PRPF18: variants seen among roughly 807,000 people sequenced by gnomAD.
PRPF18 encodes pre-mRNA-splicing factor 18.
PRPF18 carries 38 observed loss-of-function variants against 46.5 expected under a neutral mutation model. The observed-to-expected ratio is 0.82, with a 90% CI of 0.63 to 1.07. PRPF18 has a LOEUF of 1.07. PRPF18 is among the 50% of genes least tolerant of loss of function. PRPF18 has a pLI of 0.00. For missense variants in PRPF18, 263 were observed against 410.0 expected (o/e 0.64, Z 3.10); for synonymous variants, 152 against 146.7 (o/e 1.04, Z -0.26).
Position 13,623,034 on chromosome 10 carries a change from T to TA in PRPF18, c.948+6489dup, listed in dbSNP as rs889792257. On this transcript the variant is annotated intron_variant, in intron 9 of 9. Coordinates refer to ENST00000378572, the MANE Select transcript of PRPF18 (RefSeq NM_003675.4). ...TAACACAGTGAAACCCCGTCTCTAC[T>TA]AAAAAAAATACAAAAAATTAGCCGG... is the stretch of plus-strand genomic sequence containing the variant. 1.2e-4 allele frequency among the ~76,000 whole-genome samples: 18 copies of TA among 151,338 alleles called. 1 individual carries two copies. The South Asian group carries it at 2.1e-3, about 18-fold the overall frequency.
the PRPF18 span, chr10:13,654,553 G>T: frequency 1.5e-6 from 2 of 1,322,120 alleles, no homozygotes; most frequent in African/African-American, 1.4e-5. Context: ...AGCAGACAGG[G>T]ATCAGACACA....
chr10:13,633,564 T>G (rs189286310), downstream of PRPF18, among the ~76,000 whole-genome samples: 267 of 152,260 alleles, frequency 1.8e-3, no homozygotes, highest in African/African-American at 6.1e-3. Flanking sequence ...TGTGCTCACC[T>G]TTGTACCCCC....
chr10:13,599,956 T>C (rs1012084355), intron 2 of PRPF18, among the ~76,000 whole-genome samples: 15 of 152,212 alleles, frequency 9.9e-5, no homozygotes, highest in Non-Finnish European at 1.9e-4. Flanking sequence ...AGTGCAAATT[T>C]CAGCCCTGTT....
intron 1 of PRPF18, among the ~76,000 whole-genome samples, chr10:13,596,545 A>G (rs1246314885): frequency 1.3e-5 from 2 of 152,254 alleles, no homozygotes; most frequent in Non-Finnish European, 2.9e-5. Context: ...CTGTTAATAC[A>G]GTCGGGGACA....
rs756995488 is a variant in PRPF18, at chr10:13,610,180, T to G, written c.505T>G (p.Leu169Val). ...TGAGGAAAACACCACAATTGAAGAG[T>G]TAGAGGTAATCTCTACACCAAGCCC... Reference protein sequence around the residue: ...VHEENTTIEELEALGESLGKG... With the variant: ...VHEENTTIEEVEALGESLGKG... Residue 169 changes from leucine to valine, a missense_variant, in exon 5 of 10, where the codon TTA (leucine) becomes GTA (valine). By Grantham distance (32) the Leu-to-Val change is conservative. Transcript: ENST00000378572. 3.7e-6 allele frequency: 6 copies of G among 1,613,672 alleles called. No homozygotes were observed. In the South Asian group the frequency reaches 6.6e-5, roughly 18 times the overall value.
chr10:13,624,260 G>A (rs951397944), intron 9 of PRPF18, among the ~76,000 whole-genome samples: 5 of 152,242 alleles, frequency 3.3e-5, no homozygotes, highest in African/African-American at 1.2e-4. Context: ...TTACAGGCGT[G>A]AGCCACCGCA....
chr10:13,646,293 TC>T, the PRPF18 span: 3 of 152,664 alleles, frequency 2.0e-5, no homozygotes, highest in Non-Finnish European at 4.4e-5. Flanking sequence ...AAGAATGTCT[TC>T]CTCTTGGCCC....
chr10:13,622,982 A>G lies in PRPF18; in HGVS notation c.948+6429A>G, dbSNP rs923835300. On this transcript the variant is annotated intron_variant, in intron 9 of 9. Coordinates refer to ENST00000378572, the MANE Select transcript of PRPF18 (RefSeq NM_003675.4). ...GGGAGGCTGAGGCGGGCAGATCATG[A>G]GGTCAGGAGATGGAGACCATCCTGG... is the stretch of plus-strand genomic sequence containing the variant. Among the ~76,000 whole-genome samples, 72 of 152,016 alleles carry G rather than the reference A, an allele frequency of 4.7e-4. 4 individuals carry two copies.
intron 8 of PRPF18, among the ~76,000 whole-genome samples, chr10:13,615,692 C>T (rs1022506545): frequency 1.3e-5 from 2 of 151,976 alleles, no homozygotes; most frequent in African/African-American, 2.4e-5. Context: ...TTTTCTTGTT[C>T]TTCCTCACAG....
intron 5 of PRPF18, among the ~76,000 whole-genome samples, chr10:13,611,401 T>C (rs903155715): frequency 6.6e-6 from 1 of 152,210 alleles, no homozygotes; most frequent in Admixed American, 6.5e-5. Flanking sequence ...TTACCCCCTC[T>C]TGACTTTTCA....
At chr10:13,596,886 AC>A (rs1243409196) in intron 1 of PRPF18, among the ~76,000 whole-genome samples, 1 of 152,012 alleles carries the variant, frequency 6.6e-6, no homozygotes, top group African/African-American at 2.4e-5. Context: ...CGCACAAAAA[AC>A]CCCAAATATC....
downstream of PRPF18, among the ~76,000 whole-genome samples, chr10:13,635,507 C>T (rs80207285): frequency 6.6e-6 from 1 of 152,226 alleles, no homozygotes; most frequent in African/African-American, 2.4e-5. Flanking sequence ...TTTACACTCC[C>T]ACCAATAGTA....
chr10:13,589,440 A>T (rs1297033878), intron 1 of PRPF18, among the ~76,000 whole-genome samples: 2 of 152,210 alleles, frequency 1.3e-5, no homozygotes, highest in African/African-American at 2.4e-5. Flanking sequence ...AAAGATCAAG[A>T]CTTAATAAAA....
intron 2 of PRPF18, among the ~76,000 whole-genome samples, chr10:13,598,402 G>A (rs1030828878): frequency 6.6e-6 from 1 of 152,118 alleles, no homozygotes; most frequent in African/African-American, 2.4e-5. Flanking sequence ...ATACTTTTGT[G>A]CATGTAATGG....
At chr10:13,614,245 C>T (rs895399626) in intron 8 of PRPF18, among the ~76,000 whole-genome samples, 159 bp downstream of exon 8, 1 of 152,088 alleles carries the variant, frequency 6.6e-6, no homozygotes, top group African/African-American at 2.4e-5. Context: ...ATTGTATTTG[C>T]CAGCTTTACT....
chr10:13,610,839 T>C (rs1417312180), intron 5 of PRPF18, among the ~76,000 whole-genome samples: 2 of 152,180 alleles, frequency 1.3e-5, no homozygotes, highest in African/African-American at 2.4e-5. Context: ...CACCCAGCAG[T>C]GTGAGGGTCC....
Position 13,630,450 on chromosome 10 carries a change from C to CT in PRPF18, c.*111dup. On this transcript the variant is annotated 3_prime_UTR_variant, in exon 10 of 10. Coordinates refer to ENST00000378572, the MANE Select transcript of PRPF18 (RefSeq NM_003675.4). ...AGAAGAAAACTGGAGTTTCCAGTCT[C>CT]TGAGTTCTACCTGATGTAACTCTTG... 1 of 819,442 alleles carries CT rather than the reference C, an allele frequency of 1.2e-6. No individual in the cohort carries two copies. The highest frequency in any genetic ancestry group is 1.9e-6 in the Non-Finnish European group (1 of 519,728). The allele number at this position is 819,442 out of a possible 1,614,324, so 50.8% of individuals were successfully genotyped here. A position where few individuals can be genotyped will look rare whatever the true frequency, so the allele number is the denominator to read the frequency against.
chr10:13,600,660 A>G (rs1257975435), intron 3 of PRPF18, among the ~76,000 whole-genome samples: 1 of 152,186 alleles, frequency 6.6e-6, no homozygotes, highest in Admixed American at 6.5e-5. Flanking sequence ...TTATTTTGTA[A>G]CATACTTCCC....
the PRPF18 span, chr10:13,644,280 T>C: frequency 2.0e-5 from 3 of 152,226 alleles, no homozygotes; most frequent in Non-Finnish European, 2.9e-5. Flanking sequence ...GGACTTCGTA[T>C]TTCACCTTAT....
Sources: allele counts gnomAD v4.1 joint callset (sites outside exome capture counted in the v4.1 genomes callset), GRCh38; gene constraint gnomAD v4.1.1; transcripts MANE v1.5; gene names NCBI Gene and HGNC (gene_info 2026-07-23, HGNC 2026-07-21).